Variants in PCDH15 observed in about 807,000 individuals in gnomAD.
PCDH15 encodes protocadherin-15.
PCDH15 carries 129 observed loss-of-function variants against 178.5 expected under a neutral mutation model. The ratio of observed to expected loss-of-function variants is 0.72; its 90% confidence interval spans 0.63 to 0.84. The LOEUF (loss-of-function observed/expected upper bound fraction) is 0.84. PCDH15 is among the 40% of genes least tolerant of loss of function. PCDH15 has a pLI of 0.00. For missense variants in PCDH15, 2,230 were observed against 2,099.9 expected, an observed-to-expected ratio of 1.06 and a Z score of -1.21; for synonymous variants, 800 against 732.0, an observed-to-expected ratio of 1.09 and a Z score of -1.50.
chr10:55,353,733 A>G (rs1174510889), intron 2 of PCDH15, among the ~76,000 whole-genome samples: 1 of 152,020 alleles, frequency 6.6e-6, no homozygotes, highest in East Asian at 1.9e-4. Context: ...TTGCACTTCT[A>G]CCTCAAAGGC....
chr10:55,172,806 T>C lies in PCDH15; in HGVS notation c.-155-6155A>G, dbSNP rs141689024. Among the ~76,000 whole-genome samples the C allele has an allele frequency of 1.0e-3, 159 of 152,060 alleles. 2 individuals carry two copies. In the East Asian group the frequency reaches 0.029, roughly 27 times the overall value. On this transcript the variant is annotated intron_variant, in intron 1 of 5. Transcript: ENST00000458638. Reference sequence around the variant, plus strand: ...TGTATGTTAAAACAAGGACAAAATTTAAATATATATATATCTATTACATAT... The same window carrying C: ...TGTATGTTAAAACAAGGACAAAATTCAAATATATATATATCTATTACATAT...
chr10:53,901,709 G>T (rs61347407), intron 26 of PCDH15, among the ~76,000 whole-genome samples: 1 of 151,932 alleles, frequency 6.6e-6, no homozygotes, highest in South Asian at 2.1e-4. Flanking sequence ...ATTCACACTA[G>T]CCTCCAGCTC....
intron 13 of PCDH15, among the ~76,000 whole-genome samples, chr10:54,169,794 C>A (rs147067819): frequency 0.34 from 50,853 of 151,452 alleles, 8,944 homozygotes; most frequent in African/African-American, 0.42. Flanking sequence ...TATCACTTGC[C>A]TGCTACAGCA....
intron 3 of PCDH15, among the ~76,000 whole-genome samples, chr10:54,412,584 A>G (rs4935515): frequency 0.79 from 120,404 of 152,128 alleles, 48,480 homozygotes; most frequent in East Asian, 0.97. Flanking sequence ...CCAGGTTCTA[A>G]CTTCTATTGT....
At chr10:55,086,279 A>G (rs1235359452) in intron 2 of PCDH15, among the ~76,000 whole-genome samples, 4 of 152,018 alleles carry the variant, frequency 2.6e-5, no homozygotes, top group Non-Finnish European at 5.9e-5. Context: ...AAACTATATT[A>G]AAGTGTATTT....
At chr10:54,749,501 C>T (rs754281843) in intron 1 of PCDH15, among the ~76,000 whole-genome samples, 6 of 152,052 alleles carry the variant, frequency 3.9e-5, no homozygotes, top group Non-Finnish European at 7.4e-5. Context: ...ATCCCAGTTC[C>T]TTTTGTGAAA....
rs1426048146 is a variant in PCDH15, at chr10:54,213,806, C to CA, written c.1098+129dup. The CA allele has an allele frequency of 2.3e-5, 14 of 599,060 alleles. No homozygotes were observed. The Admixed American group carries it at 3.8e-4, about 16-fold the overall frequency. 37.1% of individuals were successfully genotyped at this position (599,060 alleles called of 1,614,324 possible). ...TGGGCTTCGCTTATTTTCTTTTTAA[C>CA]AAAAAATTGACTGACTGCTGTCCAC... On this transcript the variant is annotated intron_variant, in intron 10 of 37. Coordinates refer to ENST00000644397, the MANE Select transcript of PCDH15 (RefSeq NM_001384140.1).
intron 2 of PCDH15, among the ~76,000 whole-genome samples, chr10:54,528,793 A>G (rs2083614040): frequency 6.6e-6 from 1 of 152,092 alleles, no homozygotes; most frequent in Admixed American, 6.6e-5. Flanking sequence ...TTAATTCATT[A>G]TTTCAAACAC....
At chr10:55,505,166 A>T (rs954041345) in intron 2 of PCDH15, among the ~76,000 whole-genome samples, 1 of 151,400 alleles carries the variant, frequency 6.6e-6, no homozygotes, top group Admixed American at 6.6e-5. Context: ...ACAAAAATCT[A>T]TACTGCAGTA....
At chr10:55,265,923 G>T (rs765089529) in intron 1 of PCDH15, among the ~76,000 whole-genome samples, 2 of 152,036 alleles carry the variant, frequency 1.3e-5, no homozygotes, top group Non-Finnish European at 2.9e-5. Flanking sequence ...ATAGAGAAAT[G>T]CAGACCCAAG....
chr10:54,785,191 CTTG>C (rs1472730427), intron 1 of PCDH15, among the ~76,000 whole-genome samples: 1 of 151,846 alleles, frequency 6.6e-6, no homozygotes, highest in Admixed American at 6.6e-5. Flanking sequence ...AAAATAACTT[CTTG>C]TTCTCAAACT....
intron 30 of PCDH15, among the ~76,000 whole-genome samples, chr10:53,829,813 C>G (rs11003869): frequency 0.38 from 57,941 of 151,666 alleles, 11,666 homozygotes; most frequent in East Asian, 0.75. Context: ...ACTTTGAAAA[C>G]GGAGCTAGAA....
chr10:54,365,189 T>C lies in PCDH15; in HGVS notation c.474+3931A>G, dbSNP rs554700603. 6.6e-5 allele frequency among the ~76,000 whole-genome samples: 10 copies of C among 152,252 alleles called. No homozygotes were observed. The South Asian group carries it at 2.1e-3, about 32-fold the overall frequency. On this transcript the variant is annotated intron_variant, in intron 5 of 37. Coordinates refer to ENST00000644397, the MANE Select transcript of PCDH15 (RefSeq NM_001384140.1). ...TTTTTGCCAGGTAAGTGTACAGATATCTTTGGGAGGCTTTAATTCAAATTA... is the reference window on the plus strand; with the variant it reads ...TTTTTGCCAGGTAAGTGTACAGATACCTTTGGGAGGCTTTAATTCAAATTA...
rs139962859 is a variant in PCDH15, at chr10:54,324,696, C to T, written c.705+4900G>A. Among the ~76,000 whole-genome samples the T allele has an allele frequency of 1.6e-3, 250 of 151,856 alleles. 1 individual carries two copies. The highest frequency in any genetic ancestry group is 5.9e-3 in the African/African-American group (243 of 41,428). On this transcript the variant is annotated intron_variant, in intron 7 of 37. Transcript: ENST00000644397. ...TTAGGAGAATCATGAACACGAGAGG[C>T]GAAGGCTGCAGTGAACCGAGATCAC... is the stretch of plus-strand genomic sequence containing the variant.
At chr10:55,462,021 T>C (rs1589048636) in intron 2 of PCDH15, among the ~76,000 whole-genome samples, 1 of 151,790 alleles carries the variant, frequency 6.6e-6, no homozygotes, top group Non-Finnish European at 1.5e-5. Context: ...TGTGAAAGAG[T>C]CGTGGTTTTG....
intron 2 of PCDH15, among the ~76,000 whole-genome samples, chr10:55,346,044 T>C (rs928639035): frequency 2.0e-5 from 3 of 152,150 alleles, no homozygotes; most frequent in African/African-American, 7.2e-5. Flanking sequence ...AGAATAGAAT[T>C]GTGATGCCAT....
At chr10:55,394,018 C>A (rs1355724359) in intron 2 of PCDH15, among the ~76,000 whole-genome samples, 2 of 151,908 alleles carry the variant, frequency 1.3e-5, no homozygotes, top group Non-Finnish European at 2.9e-5. Context: ...ATATTTGTGA[C>A]CCCATTGTGT....
rs561955999 is a variant in PCDH15 at position 54,105,339 on chromosome 10, T to C, written c.1918-15276A>G. The stretch of plus-strand genomic sequence containing the variant: ...ATATACACACACACATACATATATA[T>C]ACACACACACACACACATACACAAA... On this transcript the variant is annotated intron_variant, in intron 15 of 37. Coordinates refer to ENST00000644397, the MANE Select transcript of PCDH15 (RefSeq NM_001384140.1). Among the ~76,000 whole-genome samples the C allele has an allele frequency of 9.4e-3, 1,274 of 134,966 alleles. 26 individuals are homozygous for C. The highest frequency in any genetic ancestry group is 0.032 in the African/African-American group (1,180 of 37,144). The allele number at this position is 134,966 out of a possible 152,430, so 88.5% of individuals were successfully genotyped here. A position where few individuals can be genotyped will look rare whatever the true frequency, so the allele number is the denominator to read the frequency against.
At chr10:54,661,642 A>T (rs759486398) in intron 2 of PCDH15, among the ~76,000 whole-genome samples, 2 of 151,980 alleles carry the variant, frequency 1.3e-5, no homozygotes, top group Non-Finnish European at 2.9e-5. Flanking sequence ...ACATTATCTG[A>T]CTTTATACTA....
Sources: gnomAD v4.1 joint callset for allele counts (sites outside exome capture counted in the v4.1 genomes callset) on GRCh38, gnomAD v4.1.1 for gene constraint, MANE v1.5 for transcripts, NCBI Gene and HGNC (gene_info 2026-07-23, HGNC 2026-07-21) for gene names.